Variants in PPP3CA observed in about 807,000 individuals in gnomAD.
PPP3CA encodes the protein protein phosphatase 3 catalytic subunit alpha.
A neutral mutation model predicts 66.5 loss-of-function variants in PPP3CA; 14 were observed. The observed-to-expected ratio is 0.21, with a 90% CI of 0.14 to 0.33. The LOEUF is 0.33. Among genes scored for constraint, PPP3CA ranks in the 10% least tolerant of loss-of-function variants. PPP3CA has a pLI of 1.00. For missense variants in PPP3CA, 317 were observed against 639.5 expected, an observed-to-expected ratio of 0.50 and a Z score of 5.44; for synonymous variants, 232 against 226.2, an observed-to-expected ratio of 1.03 and a Z score of -0.23.
chr4:101,182,491 A>G (rs1724269080), intron 2 of PPP3CA, among the ~76,000 whole-genome samples: 1 of 152,112 alleles, frequency 6.6e-6, no homozygotes, highest in South Asian at 2.1e-4. Flanking sequence ...AACCACAACA[A>G]CAAAACAGAA....
At chr4:101,162,303 C>T (rs1051073317) in intron 2 of PPP3CA, among the ~76,000 whole-genome samples, 3 of 150,742 alleles carry the variant, frequency 2.0e-5, no homozygotes, top group Non-Finnish European at 2.9e-5. Context: ...GAGGCTGAGG[C>T]GGGTGGATCA....
intron 1 of PPP3CA, among the ~76,000 whole-genome samples, chr4:101,266,912 C>A (rs1727186208): frequency 6.6e-6 from 1 of 152,138 alleles, no homozygotes; most frequent in South Asian, 2.1e-4. Context: ...GAGAATGTGA[C>A]CAACTATTTT....
intron 1 of PPP3CA, among the ~76,000 whole-genome samples, chr4:101,205,910 A>G (rs1725116405): frequency 6.6e-6 from 1 of 152,202 alleles, no homozygotes; most frequent in African/African-American, 2.4e-5. Context: ...CAGTGAAGCA[A>G]AGATTGAAAT....
intron 10 of PPP3CA, among the ~76,000 whole-genome samples, chr4:101,041,697 G>C (rs1727530394): frequency 1.3e-5 from 2 of 152,182 alleles, no homozygotes; most frequent in South Asian, 4.1e-4. Flanking sequence ...GCCTCCCAAA[G>C]TGCTGGGATT....
intron 9 of PPP3CA, among the ~76,000 whole-genome samples, chr4:101,061,655 T>C (rs186636576): frequency 1.6e-3 from 243 of 152,192 alleles, no homozygotes; most frequent in Non-Finnish European, 3.0e-3. Context: ...ATATTTGAAG[T>C]ATTTTTCAGA....
chr4:101,173,678 CA>C (rs1034182226), intron 2 of PPP3CA, among the ~76,000 whole-genome samples: 1 of 151,840 alleles, frequency 6.6e-6, no homozygotes, highest in African/African-American at 2.4e-5. Flanking sequence ...ATTTTTCAAT[CA>C]AAAAAATTCC....
chr4:101,304,245 G>T (rs1728468447), intron 1 of PPP3CA, among the ~76,000 whole-genome samples: 2 of 151,894 alleles, frequency 1.3e-5, no homozygotes, highest in Non-Finnish European at 2.9e-5. Context: ...TTCTATTTGT[G>T]CTATTACTAT....
At chr4:101,107,680 C>T (rs990756448) in intron 3 of PPP3CA, among the ~76,000 whole-genome samples, 5 of 151,824 alleles carry the variant, frequency 3.3e-5, no homozygotes, top group Admixed American at 6.6e-5. Context: ...ATTAAATAAC[C>T]GAAAAATAAA....
intron 5 of PPP3CA, among the ~76,000 whole-genome samples, chr4:101,097,622 T>C (rs1730254339): frequency 6.6e-6 from 1 of 152,168 alleles, no homozygotes; most frequent in South Asian, 2.1e-4. Flanking sequence ...CGATTTTTTA[T>C]TACTCTCTAT....
At chr4:101,315,031 C>A (rs144923754) in intron 1 of PPP3CA, among the ~76,000 whole-genome samples, 1 of 152,142 alleles carries the variant, frequency 6.6e-6, no homozygotes, top group African/African-American at 2.4e-5. Context: ...TGTGCTCCCC[C>A]CAAAATTCAC....
At chr4:101,285,415 A>G (rs1419782877) in intron 1 of PPP3CA, among the ~76,000 whole-genome samples, 1 of 137,020 alleles carries the variant, frequency 7.3e-6, no homozygotes, top group East Asian at 1.9e-4. Flanking sequence ...ATGGAATACA[A>G]GATTTATAAC....
chr4:101,091,140 C>A (rs968350500), intron 6 of PPP3CA, among the ~76,000 whole-genome samples: 1 of 152,002 alleles, frequency 6.6e-6, no homozygotes, highest in Non-Finnish European at 1.5e-5. Flanking sequence ...GACTCAATAT[C>A]AAAATCAAGA....
intron 1 of PPP3CA, among the ~76,000 whole-genome samples, chr4:101,221,114 T>C (rs536210521): frequency 4.2e-4 from 63 of 151,774 alleles, no homozygotes; most frequent in Admixed American, 1.2e-3. Flanking sequence ...AATGACTTGC[T>C]TCCATAGATT....
chr4:101,193,306 G>T (rs909053882), intron 2 of PPP3CA, among the ~76,000 whole-genome samples: 2 of 152,018 alleles, frequency 1.3e-5, no homozygotes, highest in Admixed American at 6.6e-5. Flanking sequence ...GTTTTTCAAC[G>T]TTCCATTTGT....
chr4:101,123,637 C>G (rs1323293735), intron 2 of PPP3CA, among the ~76,000 whole-genome samples: 2 of 152,050 alleles, frequency 1.3e-5, no homozygotes, highest in Non-Finnish European at 2.9e-5. Flanking sequence ...TCGAGACCAG[C>G]CTGCACAACG....
At chr4:101,063,198 T>A (rs997375921) in intron 9 of PPP3CA, 34 bp downstream of exon 9, 2 of 1,603,312 alleles carry the variant, frequency 1.2e-6, no homozygotes, top group Admixed American at 3.4e-5. Context: ...CCTAAACTAT[T>A]TTAAGAAGAA....
chr4:101,104,811 G>A (rs1220800763), intron 3 of PPP3CA, among the ~76,000 whole-genome samples: 4 of 152,018 alleles, frequency 2.6e-5, no homozygotes. Flanking sequence ...GCCTCTCAAA[G>A]GTCACAGTCT....
At chr4:101,170,086 C>T (rs1723825394) in intron 2 of PPP3CA, among the ~76,000 whole-genome samples, 1 of 151,986 alleles carries the variant, frequency 6.6e-6, no homozygotes. Flanking sequence ...AAACGTGGTC[C>T]AATTAACAGC....
chr4:101,090,742 T>C lies in PPP3CA; in HGVS notation c.782+3034A>G, dbSNP rs566545940. 2.0e-5 allele frequency among the ~76,000 whole-genome samples: 3 copies of C among 151,336 alleles called. No individual in the cohort carries two copies. In the East Asian group the frequency reaches 5.8e-4, roughly 29 times the overall value. On this transcript the variant is annotated intron_variant, in intron 6 of 13. Coordinates refer to ENST00000394854, the MANE Select transcript of PPP3CA (RefSeq NM_000944.5). ...GTTTAATTCTCTGATTATCCTCTATTATTAAAGATGGTAGACTTTATTCTA... is the reference window on the plus strand; with the variant it reads ...GTTTAATTCTCTGATTATCCTCTATCATTAAAGATGGTAGACTTTATTCTA...
Sources: gnomAD v4.1 joint callset for allele counts (sites outside exome capture counted in the v4.1 genomes callset) on GRCh38, gnomAD v4.1.1 for gene constraint, MANE v1.5 for transcripts, NCBI Gene and HGNC (gene_info 2026-07-23, HGNC 2026-07-21) for gene names.